BCAS3: variants seen among roughly 807,000 people sequenced by gnomAD.
BCAS3 encodes the protein BCAS3 microtubule associated cell migration factor.
A neutral mutation model predicts 116.1 loss-of-function variants in BCAS3; 53 were observed. The ratio of observed to expected loss-of-function variants is 0.46; its 90% CI spans 0.37 to 0.57. The LOEUF (loss-of-function observed/expected upper bound fraction) is 0.57. Among genes scored for constraint, BCAS3 ranks in the 20% least tolerant of loss-of-function variants. The pLI is 0.00. For missense variants in BCAS3, 917 were observed against 1,165.4 expected (o/e 0.79, Z 3.10); for synonymous variants, 391 against 408.2 (o/e 0.96, Z 0.51).
chr17:61,027,010 G>A (rs1211848122), intron 16 of BCAS3: 3 of 988,530 alleles, frequency 3.0e-6, no homozygotes, highest in Non-Finnish European at 4.6e-6. Flanking sequence ...CCTGATCACA[G>A]ATAGATGCAC....
In BCAS3 at chr17:61,084,110, G is replaced by T. The variant is rs920653006; in HGVS notation, c.2328-357G>T. 1.3e-5 allele frequency among the ~76,000 whole-genome samples: 2 copies of T among 152,172 alleles called. No homozygotes were observed. Among genetic ancestry groups the T allele is most frequent in the East Asian group, 1.9e-4 (1 of 5,196 alleles). On this transcript the variant is annotated intron_variant, in intron 21 of 23. Coordinates refer to ENST00000407086, the MANE Select transcript of BCAS3 (RefSeq NM_017679.5). This position sits in a 1 kb window ranked among gnomAD's most constrained non-coding sequence, Gnocchi z 5.5. ...TTTCAGGATTCTCAAAACTCTTCAT[G>T]TGTGTCCCTTGGAAATCCCAAAGGT...
intron 7 of BCAS3, among the ~76,000 whole-genome samples, chr17:60,814,764 C>T (rs2049211879): frequency 6.6e-6 from 1 of 152,142 alleles, no homozygotes; most frequent in Admixed American, 6.5e-5. Flanking sequence ...TTCATTTAAA[C>T]ACATTGTTTA....
chr17:61,278,614 C>G lies in BCAS3; in HGVS notation c.2426-89713C>G, dbSNP rs1381359225. Among the ~76,000 whole-genome samples the G allele has an allele frequency of 6.6e-6, 1 of 152,106 alleles. No individual in the cohort carries two copies. The highest frequency in any genetic ancestry group is 2.4e-5 in the African/African-American group (1 of 41,418). ...GTATTCCAACACATTCATGGATAAA[C>G]AAAATGTGGTGTGTTCCTACAGTGG... On this transcript the variant is annotated intron_variant, in intron 22 of 23. Coordinates refer to ENST00000407086, the MANE Select transcript of BCAS3 (RefSeq NM_017679.5). This position sits in a 1 kb window ranked among gnomAD's most constrained non-coding sequence, Gnocchi z 5.8.
chr17:61,384,115 C>A (rs1331671080), intron 23 of BCAS3, among the ~76,000 whole-genome samples: 1 of 152,240 alleles, frequency 6.6e-6, no homozygotes, highest in Non-Finnish European at 1.5e-5. Flanking sequence ...CCATTGGCAT[C>A]CACACAGAGT....
rs903167360 is a variant in BCAS3, at chr17:61,261,902, C to G, written c.2426-106425C>G. On this transcript the variant is annotated intron_variant, in intron 22 of 23. Transcript: ENST00000407086. The surrounding 1 kb of genome is among the most constrained non-coding windows in gnomAD (Gnocchi z 4.4). Reference sequence around the variant, plus strand: ...TTTAAAGACACATGGAAGCTGGGGGCAGAGCTTTAGAATTTAGGATGGTTT... The same window carrying G: ...TTTAAAGACACATGGAAGCTGGGGGGAGAGCTTTAGAATTTAGGATGGTTT... Among the ~76,000 whole-genome samples, 4 of 152,050 alleles carry G rather than the reference C, an allele frequency of 2.6e-5. No homozygotes were observed. Among genetic ancestry groups the G allele is most frequent in the African/African-American group, 9.7e-5 (4 of 41,390 alleles).
chr17:61,014,947 AC>A (rs1351580139), intron 15 of BCAS3, among the ~76,000 whole-genome samples: 1 of 152,210 alleles, frequency 6.6e-6, no homozygotes, highest in African/African-American at 2.4e-5. Flanking sequence ...CAAAACTTGT[AC>A]CCTGAAAACT....
intron 4 of BCAS3, among the ~76,000 whole-genome samples, chr17:60,701,568 C>T (rs1430554656): frequency 6.6e-6 from 1 of 151,934 alleles, no homozygotes; most frequent in Non-Finnish European, 1.5e-5. Flanking sequence ...GCAGATGAAC[C>T]ACATAGCCTA....
chr17:61,129,024 C>T (rs1406359643), intron 22 of BCAS3, among the ~76,000 whole-genome samples: 3 of 152,168 alleles, frequency 2.0e-5, no homozygotes, highest in African/African-American at 7.2e-5. Flanking sequence ...GAAACGCTCA[C>T]GCAAGGGCAG....
chr17:61,058,036 CTG>C (rs1449893357), intron 19 of BCAS3, among the ~76,000 whole-genome samples: 1 of 152,038 alleles, frequency 6.6e-6, no homozygotes, highest in Non-Finnish European at 1.5e-5. Flanking sequence ...GGAGTTCTGA[CTG>C]TTCCATTTAT....
intron 5 of BCAS3, among the ~76,000 whole-genome samples, chr17:60,736,347 C>A (rs776172559): frequency 6.6e-6 from 1 of 151,554 alleles, no homozygotes; most frequent in South Asian, 2.1e-4. Flanking sequence ...CCATGCCCAG[C>A]TAATTTTTTT....
intron 15 of BCAS3, among the ~76,000 whole-genome samples, chr17:60,998,555 A>G (rs2064000942): frequency 6.6e-6 from 1 of 152,134 alleles, no homozygotes; most frequent in Non-Finnish European, 1.5e-5. Flanking sequence ...CTGGTGTGAG[A>G]TGGTACCTTA....
In BCAS3 at chr17:61,083,489, TG is replaced by T. The variant is rs2072812280; in HGVS notation, c.2328-975del. Among the ~76,000 whole-genome samples, 1 of 152,176 alleles carries T rather than the reference TG, an allele frequency of 6.6e-6. No individual in the cohort carries two copies. Among genetic ancestry groups the T allele is most frequent in the Non-Finnish European group, 1.5e-5 (1 of 68,032 alleles). On this transcript the variant is annotated intron_variant, in intron 21 of 23. Coordinates refer to ENST00000407086, the MANE Select transcript of BCAS3 (RefSeq NM_017679.5). The surrounding 1 kb of genome is among the most constrained non-coding windows in gnomAD (Gnocchi z 4.9). The stretch of plus-strand genomic sequence containing the variant: ...TAAGTTTTTGTTTCACTAAGTTGCC[TG>T]GGACTTTCAGATCTTTTAATCTTCC...
At chr17:61,382,259 C>CA (rs538964161) in intron 23 of BCAS3, among the ~76,000 whole-genome samples, 1 of 145,448 alleles carries the variant, frequency 6.9e-6, no homozygotes, top group African/African-American at 2.5e-5. Flanking sequence ...TGTTTTTTGG[C>CA]TTTTTTTTTT....
At chr17:60,782,803 G>C (rs1056578423) in intron 6 of BCAS3, among the ~76,000 whole-genome samples, 1 of 151,652 alleles carries the variant, frequency 6.6e-6, no homozygotes, top group Non-Finnish European at 1.5e-5. Flanking sequence ...GGCCAGGATG[G>C]TCTTGATCTC....
intron 14 of BCAS3, among the ~76,000 whole-genome samples, chr17:60,983,121 C>T (rs553338892): frequency 1.3e-5 from 2 of 152,144 alleles, no homozygotes; most frequent in South Asian, 2.1e-4. Context: ...TATTTGTTAC[C>T]ACGGTTGCCT....
At position 61,008,549 on chromosome 17, in the gene BCAS3, GAAGTCAGAGCTTTTCAACTACAGAA is replaced by G. The variant is rs537328264; in HGVS notation, c.1487-7201_1487-7177del. 1.6e-3 allele frequency among the ~76,000 whole-genome samples: 240 copies of G among 152,132 alleles called. 1 individual carries two copies. Among genetic ancestry groups the G allele is most frequent in the African/African-American group, 5.0e-3 (207 of 41,522 alleles). ...CCATTGTATTCTTTGACAGAGTCAA[GAAGTCAGAGCTTTTCAACTACAGAA>G]TTAACTTAGTTAAACTCCTTGGTAT... On this transcript the variant is annotated intron_variant, in intron 15 of 23. Transcript: ENST00000407086. This position sits in a 1 kb window ranked among gnomAD's most constrained non-coding sequence, Gnocchi z 4.6.
rs137880237 is a variant in BCAS3 at position 60,827,652 on chromosome 17, C to A, written c.476+19576C>A. On this transcript the variant is annotated intron_variant, in intron 7 of 23. Coordinates refer to ENST00000407086, the MANE Select transcript of BCAS3 (RefSeq NM_017679.5). ...ATAAATTTTGACATCTGTATATGTC[C>A]ATGAAGCCATCACATTCCAATCAAG... Among the ~76,000 whole-genome samples, 1,014 of 152,170 alleles carry A rather than the reference C, an allele frequency of 6.7e-3. 10 individuals are homozygous for A. Among genetic ancestry groups the A allele is most frequent in the African/African-American group, 0.023 (956 of 41,490 alleles).
rs770872120 is a variant in BCAS3, at chr17:61,015,870, A to G, written c.1606A>G (p.Met536Val). ...GCCTCTTGCACAAATCAAGCAGCCA[A>G]TGACATTGGGGACCATCACCAAACG... ...VMPLAQIKQP[M>V]TLGTITKRTG... Residue 536 changes from methionine (M) to valine (V), a missense_variant, in exon 16 of 24, where the codon ATG becomes GTG. By Grantham distance (21) the Met-to-Val change is conservative. Around this residue, in one of 3 missense-constraint regions of BCAS3, gnomAD observed 807 missense variants for 1,026.0 expected, o/e 0.79. Transcript: ENST00000407086. The G allele has an allele frequency of 1.1e-5, 18 of 1,614,036 alleles. No homozygotes were observed. Among genetic ancestry groups the G allele is most frequent in the Admixed American group, 6.7e-5 (4 of 59,998 alleles).
At chr17:61,358,123 A>AAT (rs1568932875) in intron 22 of BCAS3, among the ~76,000 whole-genome samples, 1 of 152,132 alleles carries the variant, frequency 6.6e-6, no homozygotes, top group Non-Finnish European at 1.5e-5. Flanking sequence ...CATATAGAAA[A>AAT]ATATAAAGTA....
Sources: allele counts gnomAD v4.1 joint callset (sites outside exome capture counted in the v4.1 genomes callset), GRCh38; gene constraint gnomAD v4.1.1; regional missense constraint gnomAD v4.1.1; non-coding constraint Gnocchi (gnomAD v3.1); transcripts MANE v1.5; gene names NCBI Gene and HGNC (gene_info 2026-07-23, HGNC 2026-07-21).